ADAMTSL1: variants seen among roughly 807,000 people sequenced by gnomAD.
ADAMTSL1 encodes the protein ADAMTS like 1.
ADAMTSL1 carries 126 observed loss-of-function variants against 201.8 expected under a neutral mutation model. The ratio of observed to expected loss-of-function variants is 0.62; its 90% CI spans 0.54 to 0.72. The LOEUF is 0.72. ADAMTSL1 is among the 30% of genes least tolerant of loss of function. ADAMTSL1 has a pLI of 0.00. For missense variants in ADAMTSL1, 2,679 were observed against 2,277.8 expected (o/e 1.18, Z -3.59); for synonymous variants, 1,121 against 903.4 (o/e 1.24, Z -4.32).
chr9:18,640,592 T>A (rs7863100), intron 7 of ADAMTSL1, among the ~76,000 whole-genome samples: 1 of 151,888 alleles, frequency 6.6e-6, no homozygotes, highest in Non-Finnish European at 1.5e-5. Flanking sequence ...GAATAACCCA[T>A]AGGCACAACA....
At position 18,605,909 on chromosome 9, in the gene ADAMTSL1, G is replaced by A. The variant is rs183705887; in HGVS notation, c.475-16334G>A. On this transcript the variant is annotated intron_variant, in intron 4 of 28. Coordinates refer to ENST00000380548, the MANE Select transcript of ADAMTSL1 (RefSeq NM_001040272.6). ...GGCTGGGTGGTGGAAGCAGAGGTAG[G>A]TGCTACTTGTGTGAACTGTGTGTTC... is the stretch of plus-strand genomic sequence containing the variant. Among the ~76,000 whole-genome samples, 11 of 152,290 alleles carry A rather than the reference G, an allele frequency of 7.2e-5. No individual in the cohort carries two copies. In the East Asian group the frequency reaches 1.5e-3, roughly 21 times the overall value.
chr9:18,877,997 T>C (rs1276675660), intron 23 of ADAMTSL1, among the ~76,000 whole-genome samples: 1 of 152,062 alleles, frequency 6.6e-6, no homozygotes, highest in Non-Finnish European at 1.5e-5. Context: ...CAAAGTTATA[T>C]TCCCAGGGGG....
At chr9:18,432,451 T>A (rs565737295) in intron 2 of ADAMTSL1, among the ~76,000 whole-genome samples, 34 of 152,340 alleles carry the variant, frequency 2.2e-4, no homozygotes, top group African/African-American at 7.9e-4. Context: ...ATCAAATGCT[T>A]TGCTAAAATA....
intron 1 of ADAMTSL1, among the ~76,000 whole-genome samples, chr9:17,974,599 T>C (rs1778172): frequency 0.55 from 82,900 of 151,850 alleles, 23,310 homozygotes; most frequent in East Asian, 0.92. Flanking sequence ...ACTCCATATA[T>C]GTGAGATCAT....
chr9:18,190,036 G>C (rs1828906839), intron 2 of ADAMTSL1, among the ~76,000 whole-genome samples: 1 of 152,200 alleles, frequency 6.6e-6, no homozygotes, highest in South Asian at 2.1e-4. Context: ...AGCCTGGTCA[G>C]GTTTCAAATG....
intron 2 of ADAMTSL1, among the ~76,000 whole-genome samples, chr9:18,371,906 T>C (rs1837059412): frequency 6.6e-6 from 1 of 152,234 alleles, no homozygotes; most frequent in Non-Finnish European, 1.5e-5. Flanking sequence ...GTTAGATCTC[T>C]GAACGTGCTT....
At chr9:17,936,900 C>T (rs1037017341) in intron 1 of ADAMTSL1, among the ~76,000 whole-genome samples, 1 of 152,110 alleles carries the variant, frequency 6.6e-6, no homozygotes, top group Non-Finnish European at 1.5e-5. Context: ...TTCCATGTGG[C>T]TTTTGGTCTG....
intron 2 of ADAMTSL1, among the ~76,000 whole-genome samples, chr9:18,390,823 C>T (rs887449342): frequency 1.3e-5 from 2 of 152,080 alleles, no homozygotes; most frequent in African/African-American, 4.8e-5. Context: ...AAAACACCAC[C>T]TCAAAACACT....
At chr9:18,617,976 C>A (rs761976947) in intron 4 of ADAMTSL1, among the ~76,000 whole-genome samples, 4 of 152,098 alleles carry the variant, frequency 2.6e-5, no homozygotes, top group Non-Finnish European at 5.9e-5. Flanking sequence ...CATGCAGTTG[C>A]CAAAGTTATG....
intron 2 of ADAMTSL1, among the ~76,000 whole-genome samples, chr9:18,262,685 A>C (rs1310169515): frequency 6.6e-6 from 1 of 152,222 alleles, no homozygotes; most frequent in Non-Finnish European, 1.5e-5. Context: ...ACAAATAAAA[A>C]ATCCTCCAAA....
At chr9:18,535,234 CAAAATG>C (rs1426617603) in intron 3 of ADAMTSL1, among the ~76,000 whole-genome samples, 1 of 152,196 alleles carries the variant, frequency 6.6e-6, no homozygotes, top group Non-Finnish European at 1.5e-5. Context: ...AGGGAAGGGG[CAAAATG>C]CCACCAGCCT....
At chr9:18,828,625 T>C (rs1588179654) in intron 22 of ADAMTSL1, among the ~76,000 whole-genome samples, 6 of 123,094 alleles carry the variant, frequency 4.9e-5, no homozygotes, top group Admixed American at 2.6e-4. Flanking sequence ...TGTTTTTCTC[T>C]ATGCCATATG....
At chr9:17,991,250 A>G (rs193158511) in intron 1 of ADAMTSL1, among the ~76,000 whole-genome samples, 111 of 152,286 alleles carry the variant, frequency 7.3e-4, no homozygotes, top group African/African-American at 2.5e-3. Context: ...TCTGTATACT[A>G]TATGGCTGCT....
At chr9:18,149,702 C>T (rs2132038450) in intron 1 of ADAMTSL1, among the ~76,000 whole-genome samples, 2 of 152,136 alleles carry the variant, frequency 1.3e-5, no homozygotes, top group Middle Eastern at 6.8e-3. Flanking sequence ...ATGTGATTGG[C>T]ACTGTTTTTT....
intron 1 of ADAMTSL1, among the ~76,000 whole-genome samples, chr9:17,947,349 C>CT (rs1563913397): frequency 2.1e-5 from 3 of 144,806 alleles, no homozygotes; most frequent in African/African-American, 7.6e-5. Context: ...ACACACACCC[C>CT]ACTATGCACT....
chr9:18,778,043 G>A, intron 19 of ADAMTSL1, 137 bp downstream of exon 19: 1 of 1,083,730 alleles, frequency 9.2e-7, no homozygotes, highest in Non-Finnish European at 1.3e-6. Context: ...ATCATGGGGT[G>A]CAGGCCCTCT....
At chr9:18,363,055 A>G (rs1489651941) in intron 2 of ADAMTSL1, among the ~76,000 whole-genome samples, 1 of 152,218 alleles carries the variant, frequency 6.6e-6, no homozygotes, top group East Asian at 1.9e-4. Flanking sequence ...GCAGAAGCTG[A>G]TATCAGAACT....
chr9:18,783,815 G>A (rs1213920720), intron 19 of ADAMTSL1, among the ~76,000 whole-genome samples: 1 of 151,574 alleles, frequency 6.6e-6, no homozygotes, highest in Non-Finnish European at 1.5e-5. Flanking sequence ...AAAGACTACA[G>A]GTGGCCCTCA....
chr9:18,046,053 A>G (rs924552999), intron 1 of ADAMTSL1, among the ~76,000 whole-genome samples: 5 of 152,160 alleles, frequency 3.3e-5, no homozygotes, highest in African/African-American at 1.2e-4. Context: ...TTGTTCCTGG[A>G]TGATATATTT....
Sources: allele counts gnomAD v4.1 joint callset (sites outside exome capture counted in the v4.1 genomes callset), GRCh38; gene constraint gnomAD v4.1.1; transcripts MANE v1.5; gene names NCBI Gene and HGNC (gene_info 2026-07-23, HGNC 2026-07-21).